OSBPL10: variants seen among roughly 807,000 people sequenced by gnomAD.
OSBPL10 encodes oxysterol binding protein like 10, also known as oxysterol-binding protein-related protein 10.
In OSBPL10, 49 loss-of-function variants were observed where a neutral mutation model predicts 81.7. The observed-to-expected ratio is 0.60, with a 90% CI of 0.48 to 0.76. The LOEUF is 0.76. OSBPL10 is among the 30% of genes least tolerant of loss of function. OSBPL10 has a pLI of 0.00. For missense variants in OSBPL10, 923 were observed against 987.8 expected (o/e 0.93, Z 0.88); for synonymous variants, 419 against 383.6 (o/e 1.09, Z -1.08).
chr3:31,765,222 G>A (rs954905502), intron 4 of OSBPL10, among the ~76,000 whole-genome samples: 2 of 150,982 alleles, frequency 1.3e-5, no homozygotes, highest in Admixed American at 1.3e-4. Context: ...TTTTTTTGTA[G>A]AGACATGATT....
rs1235150109 is a variant in OSBPL10 at position 31,812,827 on chromosome 3, AGAAAGAAAGAAAGAAAGAAC to A, written c.729+17193_729+17212del. ...GAAAGAAAGAAAGAAAGAGAAAGAAAGAAAGAAAGAAAGAAAGAACGAACTTCTCCAATAACATGTGAGAA... is the reference window on the plus strand; with the variant it reads ...GAAAGAAAGAAAGAAAGAGAAAGAAAGAACTTCTCCAATAACATGTGAGAA... On this transcript the variant is annotated intron_variant, in intron 4 of 11. Coordinates refer to ENST00000396556, the MANE Select transcript of OSBPL10 (RefSeq NM_017784.5). 1.1e-3 allele frequency among the ~76,000 whole-genome samples: 152 copies of A among 138,228 alleles called. 11 individuals are homozygous for A. Among genetic ancestry groups the A allele is most frequent in the East Asian group, 6.2e-3 (26 of 4,174 alleles). 90.7% of individuals were successfully genotyped at this position (138,228 alleles called of 152,430 possible).
At chr3:31,806,617 C>G (rs1343361283) in intron 4 of OSBPL10, among the ~76,000 whole-genome samples, 2 of 152,080 alleles carry the variant, frequency 1.3e-5, no homozygotes, top group Non-Finnish European at 2.9e-5. Context: ...AGGCAATGAG[C>G]AAATAAAGAC....
chr3:31,856,078 A>T (rs1700906886), intron 3 of OSBPL10, among the ~76,000 whole-genome samples: 1 of 85,704 alleles, frequency 1.2e-5, no homozygotes, highest in Non-Finnish European at 2.9e-5. Flanking sequence ...TTACACACAC[A>T]CACACACACA....
chr3:31,902,745 C>A (rs6783935), intron 1 of OSBPL10, among the ~76,000 whole-genome samples: 1 of 151,846 alleles, frequency 6.6e-6, no homozygotes, highest in Non-Finnish European at 1.5e-5. Flanking sequence ...TTTGTATTTT[C>A]AGTAGAGACC....
chr3:31,828,520 C>G (rs1700152714), intron 4 of OSBPL10, among the ~76,000 whole-genome samples: 1 of 151,982 alleles, frequency 6.6e-6, no homozygotes, highest in African/African-American at 2.4e-5. Context: ...CACAATTAAG[C>G]TAATAGCTAC....
chr3:32,001,544 C>T (rs890483244), intron 2 of OSBPL10, among the ~76,000 whole-genome samples: 9 of 152,012 alleles, frequency 5.9e-5, no homozygotes, highest in African/African-American at 2.2e-4. Context: ...AATAGGGAAA[C>T]CAGTAAGATG....
intron 1 of OSBPL10, among the ~76,000 whole-genome samples, chr3:31,908,762 T>G (rs1696493050): frequency 6.6e-6 from 1 of 152,242 alleles, no homozygotes; most frequent in African/African-American, 2.4e-5. Flanking sequence ...TAGGCCAGGA[T>G]ATTTTTTAAG....
intron 2 of OSBPL10, among the ~76,000 whole-genome samples, chr3:32,041,339 C>A (rs557547866): frequency 7.4e-4 from 113 of 152,318 alleles, no homozygotes; most frequent in African/African-American, 2.2e-3. Context: ...GTACTTGCCG[C>A]AAAGCAGTAA....
intron 7 of OSBPL10, among the ~76,000 whole-genome samples, chr3:31,684,518 G>A (rs565466974): frequency 6.6e-6 from 1 of 152,336 alleles, no homozygotes; most frequent in East Asian, 1.9e-4. Flanking sequence ...GGGGAAGGGA[G>A]GGGTCGGCAA....
intron 1 of OSBPL10, among the ~76,000 whole-genome samples, chr3:31,903,173 G>A (rs571087252): frequency 2.0e-5 from 3 of 152,064 alleles, no homozygotes; most frequent in Non-Finnish European, 4.4e-5. Flanking sequence ...TAGGTGCCAG[G>A]AATACAACAG....
intron 1 of OSBPL10, among the ~76,000 whole-genome samples, chr3:32,055,393 G>A (rs1699701780): frequency 6.6e-6 from 1 of 151,356 alleles, no homozygotes; most frequent in African/African-American, 2.4e-5. Flanking sequence ...TAGTAGAGAT[G>A]GGGTTTCACC....
intron 6 of OSBPL10, among the ~76,000 whole-genome samples, chr3:31,702,929 A>T (rs1695944287): frequency 6.6e-6 from 1 of 152,244 alleles, no homozygotes; most frequent in African/African-American, 2.4e-5. Context: ...TAAAAGTTGG[A>T]TTATCCAGGG....
chr3:31,698,013 C>A (rs566689021), intron 7 of OSBPL10, among the ~76,000 whole-genome samples: 1 of 152,010 alleles, frequency 6.6e-6, no homozygotes, highest in African/African-American at 2.4e-5. Context: ...CCACCCACCT[C>A]GGCCTCCCAA....
At chr3:32,026,565 T>C (rs76487410) in intron 2 of OSBPL10, among the ~76,000 whole-genome samples, 1 of 152,272 alleles carries the variant, frequency 6.6e-6, no homozygotes, top group Non-Finnish European at 1.5e-5. Flanking sequence ...AAACCCTAAA[T>C]GTATATTGCA....
At chr3:31,692,675 C>T (rs568639867) in intron 7 of OSBPL10, among the ~76,000 whole-genome samples, 11 of 152,336 alleles carry the variant, frequency 7.2e-5, no homozygotes, top group African/African-American at 2.6e-4. Flanking sequence ...AGCCAGGGCA[C>T]AGTGCTTGGG....
At chr3:32,069,511 G>A (rs1699809538) in intron 1 of OSBPL10, among the ~76,000 whole-genome samples, 2 of 152,170 alleles carry the variant, frequency 1.3e-5, no homozygotes, top group Admixed American at 1.3e-4. Context: ...CGAAAACCCA[G>A]CCCAGTTCAT....
intron 4 of OSBPL10, among the ~76,000 whole-genome samples, chr3:31,766,634 G>A (rs1031950635): frequency 2.6e-5 from 4 of 151,972 alleles, no homozygotes; most frequent in Admixed American, 1.3e-4. Flanking sequence ...CCACTGTGCT[G>A]GCCCCAGTGT....
intron 3 of OSBPL10, among the ~76,000 whole-genome samples, chr3:31,870,380 G>C (rs536167851): frequency 6.6e-6 from 1 of 152,232 alleles, no homozygotes; most frequent in East Asian, 1.9e-4. Context: ...CCTGCAGCCC[G>C]CCATGCCTGA....
chr3:31,770,299 G>C (rs1698341444), intron 4 of OSBPL10, among the ~76,000 whole-genome samples: 1 of 152,148 alleles, frequency 6.6e-6, no homozygotes, highest in Admixed American at 6.5e-5. Flanking sequence ...TGCTGTTAAT[G>C]CCATATCATT....
Sources: gnomAD v4.1 joint callset for allele counts (sites outside exome capture counted in the v4.1 genomes callset) on GRCh38, gnomAD v4.1.1 for gene constraint, MANE v1.5 for transcripts, NCBI Gene and HGNC (gene_info 2026-07-23, HGNC 2026-07-21) for gene names.